SLC37A2: variants seen among roughly 807,000 people sequenced by gnomAD.
SLC37A2 encodes the protein glucose-6-phosphate exchanger SLC37A2.
A neutral mutation model predicts 70.7 loss-of-function variants in SLC37A2; 59 were observed. The ratio of observed to expected loss-of-function variants is 0.83; its 90% CI spans 0.68 to 1.04. The LOEUF is 1.04. Ranked by LOEUF, SLC37A2 falls within the 50% of genes least tolerant of loss-of-function variation. The pLI is 0.00. For missense variants in SLC37A2, 580 were observed against 658.1 expected (o/e 0.88, Z 1.30); for synonymous variants, 257 against 262.1 (o/e 0.98, Z 0.19).
chr11:125,081,603 C>A, intron 8 of SLC37A2, 145 bp downstream of exon 8: 1 of 1,381,332 alleles, frequency 7.2e-7, no homozygotes, highest in Admixed American at 2.4e-5. Flanking sequence ...GTTGGCCCTA[C>A]AGCCTGATGA....
chr11:125,086,251 C>T (rs1949214133), intron 17 of SLC37A2: 7 of 1,611,346 alleles, frequency 4.3e-6, no homozygotes, highest in Admixed American at 1.7e-5. Context: ...CCTCAAGTCC[C>T]ATGACTTTTG....
chr11:125,078,627 G>A (rs984490776), intron 4 of SLC37A2, among the ~76,000 whole-genome samples: 5 of 152,168 alleles, frequency 3.3e-5, no homozygotes, highest in African/African-American at 1.2e-4. Context: ...GAGGATAGCA[G>A]GATGATGAAG....
intron 1 of SLC37A2, among the ~76,000 whole-genome samples, chr11:125,072,492 T>C (rs1949038517): frequency 6.6e-6 from 1 of 152,170 alleles, no homozygotes; most frequent in African/African-American, 2.4e-5. Context: ...GTCCTTGGCC[T>C]ACTTGCCCAG....
Position 125,065,942 on chromosome 11 carries a change from G to A in SLC37A2, c.59+2516G>A, listed in dbSNP as rs1007147738. On this transcript the variant is annotated intron_variant, in intron 1 of 17. Transcript: ENST00000403796. Reference sequence around the variant, plus strand: ...GGTTAATATAGCCTAAGAAGAAAGAGAAAGGTCTTCCTTATATGTCCAGAA... The same window carrying A: ...GGTTAATATAGCCTAAGAAGAAAGAAAAAGGTCTTCCTTATATGTCCAGAA... Among the ~76,000 whole-genome samples the A allele has an allele frequency of 2.2e-4, 34 of 152,342 alleles. 1 individual carries two copies. Among genetic ancestry groups the A allele is most frequent in the African/African-American group, 7.9e-4 (33 of 41,576 alleles).
intron 12 of SLC37A2, 137 bp downstream of exon 12, chr11:125,084,456 C>T (rs867118860): frequency 1.7e-5 from 16 of 915,840 alleles, no homozygotes; most frequent in African/African-American, 1.6e-5. Flanking sequence ...TGTGCACACA[C>T]GGGGGAGGAG....
In SLC37A2 at chr11:125,083,429, A is replaced by G. The variant is rs181926638; in HGVS notation, c.977-386A>G. The G allele has an allele frequency of 6.7e-5, 13 of 193,658 alleles. 1 individual carries two copies. The highest frequency in any genetic ancestry group is 3.0e-4 in the African/African-American group (13 of 42,936). 12.0% of individuals were successfully genotyped at this position (193,658 alleles called of 1,614,324 possible). The stretch of plus-strand genomic sequence containing the variant: ...TGTGTATGAGCACAGCCTAAGGTAA[A>G]CGGGAAGAGTTCCTAGTGCTGCTAG... On this transcript the variant is annotated intron_variant, in intron 10 of 17. Transcript: ENST00000403796. The surrounding 1 kb of genome is among the most constrained non-coding windows in gnomAD (Gnocchi z 4.6).
intron 17 of SLC37A2, 95 bp downstream of exon 17, chr11:125,086,113 G>T: frequency 6.5e-7 from 1 of 1,527,832 alleles, no homozygotes; most frequent in South Asian, 1.1e-5. Flanking sequence ...GCTGAGGCTC[G>T]ACCAGCCCAG....
chr11:125,074,608 G>A (rs1269221704), intron 1 of SLC37A2, among the ~76,000 whole-genome samples: 9 of 150,612 alleles, frequency 6.0e-5, no homozygotes, highest in Non-Finnish European at 1.0e-4. Context: ...AGTTGACACA[G>A]TGCAGTTGGG....
In SLC37A2 at chr11:125,080,411, C is replaced by G. The variant is rs1392332166; in HGVS notation, c.528-203C>G. Among the ~76,000 whole-genome samples the G allele has an allele frequency of 7.2e-5, 11 of 152,150 alleles. No homozygotes were observed. The highest frequency in any genetic ancestry group is 1.6e-4 in the Non-Finnish European group (11 of 68,040). ...CACTCAGGGAGCTGGGCAGGCGGAG[C>G]GAGACCACAGGCCCTGCAGCCACCT... On this transcript the variant is annotated intron_variant, in intron 6 of 17. Coordinates refer to ENST00000403796, the MANE Select transcript of SLC37A2 (RefSeq NM_001145290.2). This position sits in a 1 kb window ranked among gnomAD's most constrained non-coding sequence, Gnocchi z 4.3.
At chr11:125,077,632 C>A in intron 4 of SLC37A2, 104 bp downstream of exon 4, 1 of 831,944 alleles carries the variant, frequency 1.2e-6, no homozygotes, top group Non-Finnish European at 1.9e-6. Flanking sequence ...AGGGATGCTG[C>A]ATGTACAATC....
chr11:125,072,737 G>A (rs1308403106), intron 1 of SLC37A2, among the ~76,000 whole-genome samples: 1 of 152,228 alleles, frequency 6.6e-6, no homozygotes, highest in Non-Finnish European at 1.5e-5. Context: ...GTCTAGCCTA[G>A]CCCTTAACCT....
At chr11:125,073,717 A>G (rs1192145449) in intron 1 of SLC37A2, among the ~76,000 whole-genome samples, 2 of 152,376 alleles carry the variant, frequency 1.3e-5, no homozygotes, top group Middle Eastern at 3.4e-3. Flanking sequence ...GTTTTCTCTT[A>G]TAGACATCAA....
At position 125,084,820 on chromosome 11, in the gene SLC37A2, C is replaced by T. The variant is rs765568043; in HGVS notation, c.1126-5C>T. ...TGACTCTGCCTCTCCCCTCTCCTCT[C>T]TCAGATGTTCCTGTACAACTACATT... On this transcript the variant is annotated splice_polypyrimidine_tract_variant and splice_region_variant and intron_variant, in intron 12 of 17. Transcript: ENST00000403796. The T allele has an allele frequency of 1.2e-6, 2 of 1,613,412 alleles. No individual in the cohort carries two copies. The highest frequency in any genetic ancestry group is 2.7e-5 in the African/African-American group (2 of 74,934).
chr11:125,081,310 GC>G, intron 7 of SLC37A2, 110 bp from the exon 8 acceptor site: 1 of 1,095,726 alleles, frequency 9.1e-7, no homozygotes, highest in Non-Finnish European at 1.3e-6. Context: ...TGGAGGCGGG[GC>G]TGGTTCCCGG....
Position 125,077,300 on chromosome 11 carries a change from T to G in SLC37A2, c.212T>G (p.Met71Arg). 1.2e-6 allele frequency: 2 copies of G among 1,607,856 alleles called. No homozygotes were observed. The highest frequency in any genetic ancestry group is 1.7e-6 in the Non-Finnish European group (2 of 1,176,870). Residue 71 changes from methionine to arginine, a missense_variant, in exon 3 of 18, where the codon ATG becomes AGG. Transcript: ENST00000403796. ...INDTHSLNDTMWCSWAPFDKD... is the reference protein window; with the variant it reads ...INDTHSLNDTRWCSWAPFDKD... ...GATACTCACAGTCTCAATGACACCA[T>G]GTGGTGCAGCTGGGCCCCATTTGGT...
Position 125,081,651 on chromosome 11 carries a change from C to T in SLC37A2, c.733-103C>T, listed in dbSNP as rs775940148. 5.5e-4 allele frequency: 798 copies of T among 1,460,598 alleles called. 1 individual carries two copies. Among genetic ancestry groups the T allele is most frequent in the Non-Finnish European group, 6.8e-4 (742 of 1,088,576 alleles). The allele number at this position is 1,460,598 out of a possible 1,614,324, so 90.5% of individuals were successfully genotyped here. ...AGTCCAGCCCGAGACGAACGTGTGC[C>T]TCCCCATCCTGGGAGCCAGTGTCTC... On this transcript the variant is annotated intron_variant, in intron 8 of 17. Coordinates refer to ENST00000403796, the MANE Select transcript of SLC37A2 (RefSeq NM_001145290.2).
At chr11:125,067,523 T>C (rs1948994049) in intron 1 of SLC37A2, among the ~76,000 whole-genome samples, 2 of 152,340 alleles carry the variant, frequency 1.3e-5, no homozygotes, top group Middle Eastern at 3.4e-3. Context: ...CTCTTCTGAC[T>C]TGACAATTAT....
intron 17 of SLC37A2, 193 bp from the exon 18 acceptor site, chr11:125,087,926 C>T: frequency 1.6e-6 from 1 of 611,318 alleles, no homozygotes; most frequent in Admixed American, 3.0e-5. Flanking sequence ...GCCACCGCGC[C>T]CGGCCAGGTT....
At chr11:125,081,108 C>T (rs932501226) in intron 7 of SLC37A2, among the ~76,000 whole-genome samples, 36 of 152,076 alleles carry the variant, frequency 2.4e-4, no homozygotes, top group Non-Finnish European at 4.4e-5. Context: ...TGACCAGGCT[C>T]TCCACTTGCT....
Sources: gnomAD v4.1 joint callset for allele counts (sites outside exome capture counted in the v4.1 genomes callset) on GRCh38, gnomAD v4.1.1 for gene constraint, Gnocchi (gnomAD v3.1) non-coding constraint, MANE v1.5 for transcripts, NCBI Gene and HGNC (gene_info 2026-07-23, HGNC 2026-07-21) for gene names.